The following SPMIP7 variants were observed in gnomAD, a reference collection of about 807,000 sequenced individuals.
SPMIP7 encodes protein SPMIP7.
chr7:50,113,605 T>C, the SPMIP7 span, among the ~76,000 whole-genome samples: 3 of 151,530 alleles, frequency 2.0e-5, no homozygotes, highest in South Asian at 2.1e-4. Flanking sequence ...TCAGTGAAAA[T>C]AAAGACATAG....
At chr7:50,110,080 A>G in the SPMIP7 span, among the ~76,000 whole-genome samples, 1 of 152,102 alleles carries the variant, frequency 6.6e-6, no homozygotes, top group Non-Finnish European at 1.5e-5. Context: ...CAATTTGAAT[A>G]TTTTGTAATT....
At chr7:50,104,109 T>C in the SPMIP7 span, among the ~76,000 whole-genome samples, 6 of 152,208 alleles carry the variant, frequency 3.9e-5, no homozygotes, top group Non-Finnish European at 7.3e-5. Flanking sequence ...AACAAGTGAT[T>C]CTGCACTATT....
the SPMIP7 span, among the ~76,000 whole-genome samples, chr7:50,113,324 T>C: frequency 9.5e-5 from 13 of 136,910 alleles, no homozygotes; most frequent in East Asian, 2.0e-3. Flanking sequence ...CTACTTTTCA[T>C]GCAAAGAAGC....
chr7:50,104,125 T>C, the SPMIP7 span, among the ~76,000 whole-genome samples: 8 of 152,328 alleles, frequency 5.3e-5, no homozygotes, highest in African/African-American at 1.9e-4. Flanking sequence ...CTATTGTAAT[T>C]CGGCTCACAT....
the SPMIP7 span, among the ~76,000 whole-genome samples, chr7:50,141,031 A>G: frequency 1.3e-5 from 2 of 152,234 alleles, no homozygotes; most frequent in Non-Finnish European, 1.5e-5. Context: ...GAAACACAAA[A>G]CAGCCCTTAC....
At chr7:50,151,671 T>A in the SPMIP7 span, 2 of 740,884 alleles carry the variant, frequency 2.7e-6, no homozygotes, top group African/African-American at 1.8e-5. Flanking sequence ...ACATTGTTTT[T>A]AAAAATGTGG....
At chr7:50,157,521 C>T in the SPMIP7 span, among the ~76,000 whole-genome samples, 1 of 152,144 alleles carries the variant, frequency 6.6e-6, no homozygotes, top group African/African-American at 2.4e-5. Context: ...ATATAATATA[C>T]ATATGTGTAT....
chr7:50,096,692 A>G, the SPMIP7 span: 1 of 1,355,366 alleles, frequency 7.4e-7, no homozygotes, highest in Non-Finnish European at 9.8e-7. Flanking sequence ...GGAAGAGAGT[A>G]TGGACATAAG....
chr7:50,150,935 CGTTT>C, the SPMIP7 span, among the ~76,000 whole-genome samples: 1 of 152,116 alleles, frequency 6.6e-6, no homozygotes, highest in Admixed American at 6.5e-5. Flanking sequence ...TGCTGGTGTA[CGTTT>C]GTTTCCAATG....
At chr7:50,128,453 G>C in the SPMIP7 span, among the ~76,000 whole-genome samples, 2 of 151,868 alleles carry the variant, frequency 1.3e-5, no homozygotes, top group African/African-American at 4.8e-5. Flanking sequence ...AAAATAAATA[G>C]AGGAGAAAAA....
the SPMIP7 span, among the ~76,000 whole-genome samples, chr7:50,098,090 C>T: frequency 6.6e-6 from 1 of 151,846 alleles, no homozygotes; most frequent in East Asian, 1.9e-4. Flanking sequence ...CCTAAATACA[C>T]GTTATTTCTA....
At chr7:50,134,951 T>C in the SPMIP7 span, among the ~76,000 whole-genome samples, 1 of 152,162 alleles carries the variant, frequency 6.6e-6, no homozygotes, top group Non-Finnish European at 1.5e-5. Flanking sequence ...CATGGTTCCC[T>C]CCTTAGCTTC....
At chr7:50,127,803 T>C in the SPMIP7 span, among the ~76,000 whole-genome samples, 1 of 151,686 alleles carries the variant, frequency 6.6e-6, no homozygotes, top group East Asian at 1.9e-4. Flanking sequence ...TATCAAAAAG[T>C]CAGGGAATAA....
At chr7:50,118,459 T>G in the SPMIP7 span, among the ~76,000 whole-genome samples, 1 of 152,212 alleles carries the variant, frequency 6.6e-6, no homozygotes, top group Admixed American at 6.5e-5. Context: ...AGGTGGTGTA[T>G]TTTCACTACC....
chr7:50,124,632 C>T, the SPMIP7 span, among the ~76,000 whole-genome samples: 2 of 152,084 alleles, frequency 1.3e-5, no homozygotes, highest in Non-Finnish European at 2.9e-5. Flanking sequence ...AAATAACCTA[C>T]AGGTCAAAGA....
the SPMIP7 span, among the ~76,000 whole-genome samples, chr7:50,113,297 T>TA: frequency 2.6e-5 from 4 of 151,956 alleles, no homozygotes; most frequent in Non-Finnish European, 5.9e-5. Flanking sequence ...GTTCTCAGTT[T>TA]AAAAAATAAA....
At chr7:50,127,757 A>G in the SPMIP7 span, among the ~76,000 whole-genome samples, 4 of 151,848 alleles carry the variant, frequency 2.6e-5, no homozygotes, top group African/African-American at 9.7e-5. Context: ...TCAAAACCAC[A>G]GTGAGATATC....
At chr7:50,148,670 A>T in the SPMIP7 span, among the ~76,000 whole-genome samples, 1 of 152,162 alleles carries the variant, frequency 6.6e-6, no homozygotes, top group African/African-American at 2.4e-5. Context: ...ACAAAATTCC[A>T]AAAAATCCTG....
the SPMIP7 span, among the ~76,000 whole-genome samples, chr7:50,150,647 G>C: frequency 6.6e-6 from 1 of 152,208 alleles, no homozygotes; most frequent in Admixed American, 6.5e-5. Context: ...GAAATAATCT[G>C]TGTAAACCAA....
Sources: gnomAD v4.1 joint callset for allele counts (sites outside exome capture counted in the v4.1 genomes callset) on GRCh38, gnomAD v4.1.1 for gene constraint, MANE v1.5 for transcripts, NCBI Gene and HGNC (gene_info 2026-07-23, HGNC 2026-07-21) for gene names.